Variants in PDE1A observed in about 807,000 individuals in gnomAD.
The protein encoded by PDE1A is dual specificity calcium/calmodulin-dependent 3',5'-cyclic nucleotide phosphodiesterase 1A.
Under a neutral mutation model 61.7 loss-of-function variants are expected in PDE1A, and 35 were observed. The ratio of observed to expected loss-of-function variants is 0.57; its 90% CI spans 0.43 to 0.75. The LOEUF (loss-of-function observed/expected upper bound fraction) is 0.75, where lower values mean the gene tolerates loss of function less well. PDE1A is among the 30% of genes least tolerant of loss of function. PDE1A has a pLI of 0.00. For missense variants in PDE1A, 597 were observed against 630.6 expected (o/e 0.95, Z 0.57); for synonymous variants, 232 against 213.2 (o/e 1.09, Z -0.77).
At chr2:182,629,191 C>T in the PDE1A span, among the ~76,000 whole-genome samples, 8 of 152,144 alleles carry the variant, frequency 5.3e-5, no homozygotes, top group African/African-American at 1.9e-4. Context: ...ATCCTGAGCT[C>T]CAGAAGGGAA....
chr2:182,453,811 A>T (rs1685698936), intron 2 of PDE1A, among the ~76,000 whole-genome samples: 1 of 152,178 alleles, frequency 6.6e-6, no homozygotes, highest in Non-Finnish European at 1.5e-5. Flanking sequence ...AGCCAATATC[A>T]TACTGAATGG....
the PDE1A span, among the ~76,000 whole-genome samples, chr2:182,607,089 G>C: frequency 1.3e-5 from 2 of 152,160 alleles, no homozygotes; most frequent in Non-Finnish European, 2.9e-5. Flanking sequence ...GTAAGGAAGA[G>C]GAATTGGTCA....
intron 1 of PDE1A, among the ~76,000 whole-genome samples, chr2:182,340,457 C>A (rs188561324): frequency 1.8e-4 from 27 of 152,230 alleles, no homozygotes; most frequent in Non-Finnish European, 3.4e-4. Context: ...AAGCCAAGGG[C>A]ACCTTGTCTC....
At chr2:182,395,500 G>A (rs950483776) in intron 1 of PDE1A, among the ~76,000 whole-genome samples, 2 of 152,198 alleles carry the variant, frequency 1.3e-5, no homozygotes, top group Admixed American at 1.3e-4. Flanking sequence ...GGCACGTTGA[G>A]ATATTCCTTC....
intron 2 of PDE1A, among the ~76,000 whole-genome samples, chr2:182,510,905 TC>T (rs1357893817): frequency 1.3e-5 from 2 of 152,090 alleles, no homozygotes; most frequent in Non-Finnish European, 2.9e-5. Context: ...TGAGAATACT[TC>T]CATTGAGCTA....
chr2:182,369,908 C>T (rs755090003), intron 1 of PDE1A, among the ~76,000 whole-genome samples: 64 of 152,302 alleles, frequency 4.2e-4, no homozygotes, highest in Non-Finnish European at 8.1e-4. Flanking sequence ...GGCGCAGTGG[C>T]TCACGCCTGT....
intron 7 of PDE1A, among the ~76,000 whole-genome samples, chr2:182,219,153 T>C (rs938713367): frequency 6.6e-6 from 1 of 152,112 alleles, no homozygotes; most frequent in Non-Finnish European, 1.5e-5. Context: ...GCTTTAAAAT[T>C]AAGATAGAAA....
chr2:182,691,110 T>C, the PDE1A span, among the ~76,000 whole-genome samples: 2 of 152,160 alleles, frequency 1.3e-5, no homozygotes, highest in African/African-American at 4.8e-5. Flanking sequence ...CAGCCCAAGG[T>C]AATTTATAGA....
At chr2:182,554,826 A>G in the PDE1A span, among the ~76,000 whole-genome samples, 1 of 152,122 alleles carries the variant, frequency 6.6e-6, no homozygotes, top group Non-Finnish European at 1.5e-5. Flanking sequence ...TCATAGAAAA[A>G]TATGGTTTCA....
chr2:182,553,173 C>T, the PDE1A span, among the ~76,000 whole-genome samples: 9 of 152,194 alleles, frequency 5.9e-5, no homozygotes, highest in African/African-American at 2.2e-4. Flanking sequence ...GATTCCATTC[C>T]TTGGAATCCG....
the PDE1A span, among the ~76,000 whole-genome samples, chr2:182,553,246 A>G: frequency 2.6e-5 from 4 of 152,118 alleles, no homozygotes; most frequent in African/African-American, 9.7e-5. Context: ...GCGGCCCACC[A>G]CCATCTTGGA....
At chr2:182,592,676 A>G in the PDE1A span, among the ~76,000 whole-genome samples, 5 of 152,354 alleles carry the variant, frequency 3.3e-5, no homozygotes, top group South Asian at 6.2e-4. Context: ...AGTGAATCCA[A>G]TGAAATAATC....
chr2:182,462,229 C>A (rs1014615201), intron 2 of PDE1A, among the ~76,000 whole-genome samples: 2 of 151,876 alleles, frequency 1.3e-5, no homozygotes, highest in African/African-American at 2.4e-5. Flanking sequence ...GGGTGCAGCA[C>A]ACCAACATGG....
rs569493366 is a variant in PDE1A at position 182,149,117 on chromosome 2, G to A, written c.1517-1965C>T. On this transcript the variant is annotated intron_variant, in intron 13 of 13. Coordinates refer to the PDE1A transcript ENST00000409365. ...CTTAAGACTAGATTAGAACAGAACA[G>A]AACAGTCTAGAATAGAACAGAACAT... Among the ~76,000 whole-genome samples the A allele has an allele frequency of 6.3e-4, 96 of 152,160 alleles. 1 individual carries two copies. Among genetic ancestry groups the A allele is most frequent in the African/African-American group, 2.2e-3 (90 of 41,546 alleles).
the PDE1A span, among the ~76,000 whole-genome samples, chr2:182,644,329 G>C: frequency 1.3e-5 from 2 of 148,910 alleles, no homozygotes; most frequent in Non-Finnish European, 3.0e-5. Context: ...GTAAAGCCAT[G>C]TATGAAACCC....
the PDE1A span, among the ~76,000 whole-genome samples, chr2:182,625,306 C>T: frequency 6.6e-6 from 1 of 152,118 alleles, no homozygotes; most frequent in Non-Finnish European, 1.5e-5. Flanking sequence ...TATAAAACAC[C>T]ATATAATGAC....
chr2:182,449,085 CAA>C (rs869156928), intron 2 of PDE1A, among the ~76,000 whole-genome samples: 14 of 149,584 alleles, frequency 9.4e-5, no homozygotes, highest in South Asian at 6.4e-4. Flanking sequence ...CACACACACA[CAA>C]ACAAAACCCA....
intron 2 of PDE1A, among the ~76,000 whole-genome samples, chr2:182,439,998 G>T (rs535037036): frequency 4.6e-5 from 7 of 152,136 alleles, no homozygotes; most frequent in East Asian, 1.9e-4. Context: ...TGCCCTAATT[G>T]TGTCTTCCTC....
the PDE1A span, among the ~76,000 whole-genome samples, chr2:182,572,848 G>C: frequency 7.5e-6 from 1 of 133,226 alleles, no homozygotes; most frequent in Non-Finnish European, 1.5e-5. Context: ...CAGTCTGGGC[G>C]ACAGAGCGAG....
Sources: gnomAD v4.1 joint callset for allele counts (sites outside exome capture counted in the v4.1 genomes callset) on GRCh38, gnomAD v4.1.1 for gene constraint, MANE v1.5 for transcripts, NCBI Gene and HGNC (gene_info 2026-07-23, HGNC 2026-07-21) for gene names.